The following PLAC1 variants were observed in gnomAD, a reference collection of about 807,000 sequenced individuals.
PLAC1 encodes the protein placenta associated 1, also known as placenta-specific protein 1.
For synonymous variants in PLAC1, 68 were observed against 62.1 expected (o/e 1.09, Z -0.44); for missense variants, 136 against 163.2 (o/e 0.83, Z 0.91).
At chrX:134,636,942 A>C (rs1375085380) in intron 1 of PLAC1, among the ~76,000 whole-genome samples, 1 of 112,478 alleles carries the variant, frequency 8.9e-6, no homozygotes, top group Admixed American at 9.4e-5. Flanking sequence ...CATTCAGCGA[A>C]TGAATGCAAA....
chrX:134,648,260 T>C (rs2078344318), intron 1 of PLAC1, among the ~76,000 whole-genome samples: 2 of 111,131 alleles, frequency 1.8e-5, no homozygotes, highest in African/African-American at 3.3e-5. Context: ...TCTCTGGGAA[T>C]AGCAGGAATA....
At chrX:134,721,605 C>T (rs746011152) in intron 2 of PLAC1, among the ~76,000 whole-genome samples, 4 of 109,979 alleles carry the variant, frequency 3.6e-5, no homozygotes, top group Admixed American at 9.7e-5. Flanking sequence ...TGGATCACAC[C>T]TGTAATCCCA....
intron 2 of PLAC1, among the ~76,000 whole-genome samples, chrX:134,598,839 G>A (rs1193645977): frequency 9.0e-6 from 1 of 111,605 alleles, no homozygotes; most frequent in Non-Finnish European, 1.9e-5. Context: ...AACACCATGA[G>A]TTTGACTTTG....
chrX:134,702,000 T>C (rs2078585089), intron 2 of PLAC1, among the ~76,000 whole-genome samples: 1 of 111,963 alleles, frequency 8.9e-6, no homozygotes, highest in African/African-American at 3.2e-5. Flanking sequence ...GCCTGGGTGA[T>C]GGAGTGAGAC....
At chrX:134,761,410 C>T (rs543059521) in intron 1 of PLAC1, among the ~76,000 whole-genome samples, 9 of 112,027 alleles carry the variant, frequency 8.0e-5, no homozygotes, top group African/African-American at 2.9e-4. Flanking sequence ...ATTTTCAGAA[C>T]CCCCAAATCA....
intron 1 of PLAC1, among the ~76,000 whole-genome samples, chrX:134,761,578 G>C (rs1317341388): frequency 8.9e-6 from 1 of 112,026 alleles, no homozygotes; most frequent in Non-Finnish European, 1.9e-5. Flanking sequence ...ATCTCTGTTA[G>C]AACCTGCCAG....
Position 134,605,141 on chromosome X carries a change from T to C in PLAC1, c.-130-3019A>G, listed in dbSNP as rs1404787602. 3.6e-5 allele frequency among the ~76,000 whole-genome samples: 4 copies of C among 112,084 alleles called. No individual in the cohort carries two copies. In the Admixed American group the frequency reaches 3.8e-4, roughly 11 times the overall value. On this transcript the variant is annotated intron_variant, in intron 1 of 2. Coordinates refer to ENST00000359237, the MANE Select transcript of PLAC1 (RefSeq NM_021796.4). The stretch of plus-strand genomic sequence containing the variant: ...TTTCTGCCCAGTTCTGAATCTTGCC[T>C]TACCTACTGCCTGGCGTTTACTTCA...
At chrX:134,626,764 C>T (rs932096165) in intron 1 of PLAC1, among the ~76,000 whole-genome samples, 2 of 112,445 alleles carry the variant, frequency 1.8e-5, no homozygotes, top group Admixed American at 1.9e-4. Flanking sequence ...TTTACCTTCC[C>T]TTCCCTTTGG....
intron 1 of PLAC1, among the ~76,000 whole-genome samples, chrX:134,651,970 G>A (rs1435739673): frequency 9.0e-6 from 1 of 111,351 alleles, no homozygotes; most frequent in Admixed American, 9.6e-5. Context: ...GGGGGAGGAG[G>A]GTATCATGTG....
chrX:134,749,237 G>A (rs1045046994), intron 1 of PLAC1, among the ~76,000 whole-genome samples: 1 of 112,240 alleles, frequency 8.9e-6, no homozygotes, highest in African/African-American at 3.2e-5. Context: ...GGATTGTTGA[G>A]CATGGAAGAT....
chrX:134,586,916 C>T (rs1445931958), intron 2 of PLAC1, among the ~76,000 whole-genome samples: 2 of 105,426 alleles, frequency 1.9e-5, no homozygotes, highest in East Asian at 6.0e-4. Flanking sequence ...AGGCTGGCCT[C>T]GAACTCCTGA....
At chrX:134,707,506 G>A (rs1310674347) in intron 2 of PLAC1, among the ~76,000 whole-genome samples, 2 of 111,599 alleles carry the variant, frequency 1.8e-5, no homozygotes, top group Non-Finnish European at 3.8e-5. Flanking sequence ...AGTGGCTCAC[G>A]GGGTGTGATG....
chrX:134,645,503 C>T (rs1248405571), intron 1 of PLAC1, among the ~76,000 whole-genome samples: 4 of 111,636 alleles, frequency 3.6e-5, no homozygotes, highest in Non-Finnish European at 7.5e-5. Context: ...CCCCTGGCTG[C>T]CTCAACCCTC....
chrX:134,703,107 T>A (rs1303404262), intron 2 of PLAC1, among the ~76,000 whole-genome samples: 1 of 112,004 alleles, frequency 8.9e-6, no homozygotes, highest in Non-Finnish European at 1.9e-5. Flanking sequence ...TGTCTTTAGA[T>A]CTTGATCCAC....
chrX:134,676,162 A>C (rs2078474014), intron 2 of PLAC1, among the ~76,000 whole-genome samples: 1 of 111,899 alleles, frequency 8.9e-6, no homozygotes, highest in African/African-American at 3.3e-5. Context: ...CCTTTATTTT[A>C]ATTAAAAAGC....
At chrX:134,753,237 G>A (rs926083572) in intron 1 of PLAC1, among the ~76,000 whole-genome samples, 1 of 111,149 alleles carries the variant, frequency 9.0e-6, no homozygotes, top group Non-Finnish European at 1.9e-5. Context: ...GATTTGTGTC[G>A]TGGCCCGAGA....
At chrX:134,619,667 AAAAAG>A (rs1480373776) in intron 1 of PLAC1, among the ~76,000 whole-genome samples, 5 of 111,129 alleles carry the variant, frequency 4.5e-5, no homozygotes, top group African/African-American at 1.6e-4. Context: ...AAAAAAAAGA[AAAAAG>A]AAAAGAAAAA....
chrX:134,577,750 C>CGTGTGTGTGT (rs750817404), intron 2 of PLAC1, among the ~76,000 whole-genome samples: 29 of 94,149 alleles, frequency 3.1e-4, no homozygotes, highest in Non-Finnish European at 4.9e-4. Context: ...TGCATGCATG[C>CGTGTGTGTGT]GTGTGTGTGT....
chrX:134,733,562 C>T (rs1422890933), intron 1 of PLAC1: 1 of 111,535 alleles, frequency 9.0e-6, no homozygotes, highest in Non-Finnish European at 1.9e-5. Context: ...AGGATGGACG[C>T]ACAGGCAGTA....
Sources: allele counts gnomAD v4.1 joint callset (sites outside exome capture counted in the v4.1 genomes callset), GRCh38; gene constraint gnomAD v4.1.1; transcripts MANE v1.5; gene names NCBI Gene and HGNC (gene_info 2026-07-23, HGNC 2026-07-21).